Variants in WFDC8 observed in about 807,000 individuals in gnomAD.
WFDC8 encodes the protein WAP four-disulfide core domain 8.
Under a neutral mutation model 27.0 loss-of-function variants are expected in WFDC8, and 24 were observed. The observed-to-expected ratio is 0.89, with a 90% CI of 0.64 to 1.25. WFDC8 has a LOEUF of 1.25. Ranked by LOEUF, WFDC8 falls within the 50% of genes most tolerant of loss-of-function variation. The pLI is 0.00. For synonymous variants in WFDC8, 106 were observed against 99.7 expected, an observed-to-expected ratio of 1.06 and a Z score of -0.38; for missense variants, 287 against 295.9, an observed-to-expected ratio of 0.97 and a Z score of 0.22.
chr20:45,565,440 G>T lies in WFDC8; in HGVS notation c.27-3221C>A, dbSNP rs6017623. ...AACTACATATTTACTTTTTCCTGAA[G>T]TTGATTTACTTGACAATGAGCCACC... On this transcript the variant is annotated intron_variant, in intron 1 of 5. Coordinates refer to ENST00000289953, the MANE Select transcript of WFDC8 (RefSeq NM_130896.3). Among the ~76,000 whole-genome samples the T allele has an allele frequency of 4.3e-3, 657 of 152,238 alleles. 4 individuals carry two copies. Among genetic ancestry groups the T allele is most frequent in the African/African-American group, 0.015 (637 of 41,556 alleles).
intron 3 of WFDC8, among the ~76,000 whole-genome samples, chr20:45,557,434 G>A (rs1391448467): frequency 6.6e-6 from 1 of 151,150 alleles, no homozygotes; most frequent in Non-Finnish European, 1.5e-5. Context: ...ATTTTCTTTT[G>A]TTTTTTTTTG....
chr20:45,574,916 G>C (rs1686100973), intron 1 of WFDC8, among the ~76,000 whole-genome samples: 1 of 152,150 alleles, frequency 6.6e-6, no homozygotes, highest in South Asian at 2.1e-4. Context: ...AACAGAATTA[G>C]TGATATAAAT....
Position 45,558,824 on chromosome 20 carries a change from C to A in WFDC8, c.277+28G>T, listed in dbSNP as rs771805212. ...TTTGGACAGAGCAAGAAGTGGGGAACCTCTGTCCTCAGCCTGGACATCGCT... is the reference window on the plus strand; with the variant it reads ...TTTGGACAGAGCAAGAAGTGGGGAAACTCTGTCCTCAGCCTGGACATCGCT... On this transcript the variant is annotated intron_variant, in intron 3 of 5. Coordinates refer to ENST00000289953, the MANE Select transcript of WFDC8 (RefSeq NM_130896.3). 6.2e-6 allele frequency: 10 copies of A among 1,613,264 alleles called. No homozygotes were observed. In the South Asian group the frequency reaches 1.1e-4, roughly 18 times the overall value.
chr20:45,559,721 A>G (rs568015356), intron 2 of WFDC8: 6 of 149,430 alleles, frequency 4.0e-5, no homozygotes, highest in Non-Finnish European at 6.0e-5. Context: ...TTTTATTTTT[A>G]TTTTTTTACT....
Position 45,555,718 on chromosome 20 carries a change from G to A in WFDC8, c.428C>T (p.Thr143Met), listed in dbSNP as rs200100670. 1.2e-4 allele frequency: 190 copies of A among 1,612,474 alleles called. No individual in the cohort carries two copies. The East Asian group carries it at 1.5e-3, about 13-fold the overall frequency. Residue 143 changes from threonine (T) to methionine (M), a missense_variant, in exon 4 of 6, where the codon ACG (threonine) becomes ATG (methionine). Physicochemically the swap from Thr to Met is moderately conservative, Grantham distance 81. Transcript: ENST00000289953. ...GGTCTCACCAATTAACATGCAGGCC[G>A]TTCTGCAGGCATCCTCATTTAAGAA... ...NNFLNEDACR[T>M]ACMLIVKDGQ...
intron 5 of WFDC8, among the ~76,000 whole-genome samples, chr20:45,552,517 T>A (rs1402027696): frequency 6.6e-6 from 1 of 152,114 alleles, no homozygotes; most frequent in African/African-American, 2.4e-5. Flanking sequence ...TGAGGCGTAT[T>A]TAGAGGGAAA....
rs531375011 is a variant in WFDC8 at position 45,557,749 on chromosome 20, A to C, written c.277+1103T>G. On this transcript the variant is annotated intron_variant, in intron 3 of 5. Transcript: ENST00000289953. The stretch of plus-strand genomic sequence containing the variant: ...TGCCCAGCCAATAAAGATGTGTTTA[A>C]GCCTAGTTATAATGATTTAAAATTC... Among the ~76,000 whole-genome samples the C allele has an allele frequency of 6.6e-5, 10 of 152,270 alleles. No homozygotes were observed. In the South Asian group the frequency reaches 1.9e-3, roughly 28 times the overall value.
intron 2 of WFDC8, among the ~76,000 whole-genome samples, chr20:45,559,228 G>T (rs1372793246): frequency 2.0e-5 from 3 of 152,100 alleles, no homozygotes; most frequent in Non-Finnish European, 4.4e-5. Context: ...TTGGATACCA[G>T]GGAAAGGGGT....
intron 1 of WFDC8, chr20:45,568,483 C>T (rs1980759833): frequency 1.6e-5 from 5 of 317,832 alleles, no homozygotes; most frequent in South Asian, 1.5e-4. Flanking sequence ...TGGCCTTCAG[C>T]TTTCCTGAAA....
chr20:45,578,199 T>C (rs1296589608), intron 1 of WFDC8, among the ~76,000 whole-genome samples: 1 of 151,308 alleles, frequency 6.6e-6, no homozygotes, highest in African/African-American at 2.4e-5. Flanking sequence ...AGGTTATGTA[T>C]TGATCAAATG....
chr20:45,569,488 G>C (rs530304415), intron 1 of WFDC8, among the ~76,000 whole-genome samples: 1 of 152,198 alleles, frequency 6.6e-6, no homozygotes, highest in African/African-American at 2.4e-5. Flanking sequence ...GAAAAAATTT[G>C]ATTCCTGGAG....
intron 1 of WFDC8, among the ~76,000 whole-genome samples, chr20:45,565,017 AAAGAAAGGAAGGAAGGAAG>A (rs1227563726): frequency 3.9e-5 from 5 of 128,716 alleles, no homozygotes; most frequent in Admixed American, 2.4e-4. Context: ...AAAGAAAGAG[AAAGAAAGGAAGGAAGGAAG>A]AAGAAAGGAA....
At chr20:45,561,969 G>A (rs1047757949) in intron 2 of WFDC8, 141 bp downstream of exon 2, 3 of 683,082 alleles carry the variant, frequency 4.4e-6, no homozygotes, top group Non-Finnish European at 7.6e-6. Flanking sequence ...GAGGGCCAGG[G>A]TCGTGAGCAG....
Position 45,576,111 on chromosome 20 carries a change from T to C in WFDC8, c.26+3111A>G, listed in dbSNP as rs761944924. On this transcript the variant is annotated intron_variant, in intron 1 of 5. Coordinates refer to ENST00000289953, the MANE Select transcript of WFDC8 (RefSeq NM_130896.3). ...ACCGGAGAAGGATTGTCTCTAAATA[T>C]TGAGTACAGAACACTCCGTACATAT... Among the ~76,000 whole-genome samples, 8 of 151,530 alleles carry C rather than the reference T, an allele frequency of 5.3e-5. No homozygotes were observed. In the South Asian group the frequency reaches 1.7e-3, roughly 32 times the overall value.
intron 3 of WFDC8, among the ~76,000 whole-genome samples, chr20:45,558,033 C>CG: frequency 6.6e-6 from 1 of 152,204 alleles, no homozygotes; most frequent in South Asian, 2.1e-4. Flanking sequence ...ACCAAACACC[C>CG]GCCCCCCTCT....
intron 3 of WFDC8, among the ~76,000 whole-genome samples, chr20:45,557,071 G>T (rs1358742148): frequency 6.6e-6 from 1 of 152,160 alleles, no homozygotes; most frequent in Non-Finnish European, 1.5e-5. Flanking sequence ...TTCGTCAACA[G>T]AAAGGGCCAA....
At chr20:45,562,555 A>T (rs1980511892) in intron 1 of WFDC8, among the ~76,000 whole-genome samples, 2 of 152,220 alleles carry the variant, frequency 1.3e-5, no homozygotes, top group Admixed American at 6.5e-5. Context: ...TGGTTTGCCC[A>T]CAGTCACTCC....
chr20:45,572,396 CAAAAAAAA>C (rs768958375), intron 1 of WFDC8, among the ~76,000 whole-genome samples: 3 of 49,440 alleles, frequency 6.1e-5, no homozygotes, highest in South Asian at 6.6e-4. Flanking sequence ...GAATCCATCT[CAAAAAAAA>C]AAAAAAAAAA....
chr20:45,554,768 G>A (rs972486186), intron 4 of WFDC8, among the ~76,000 whole-genome samples: 12 of 152,276 alleles, frequency 7.9e-5, no homozygotes, highest in East Asian at 7.7e-4. Context: ...TGCCTTGGCC[G>A]TTCAGGCCCA....
Sources: allele counts gnomAD v4.1 joint callset (sites outside exome capture counted in the v4.1 genomes callset), GRCh38; gene constraint gnomAD v4.1.1; transcripts MANE v1.5; gene names NCBI Gene and HGNC (gene_info 2026-07-23, HGNC 2026-07-21).